Variants in PANX1 observed in about 807,000 individuals in gnomAD.
The protein encoded by PANX1 is pannexin-1.
In PANX1, 30 loss-of-function variants were observed where a neutral mutation model predicts 38.7. The observed-to-expected ratio is 0.78, with a 90% CI of 0.58 to 1.05. The LOEUF is 1.05. PANX1 is among the 50% of genes least tolerant of loss of function. The pLI is 0.00. For missense variants in PANX1, 551 were observed against 517.2 expected (o/e 1.07, Z -0.63); for synonymous variants, 230 against 212.2 (o/e 1.08, Z -0.73).
intron 3 of PANX1, among the ~76,000 whole-genome samples, 175 bp downstream of exon 3, chr11:94,178,767 A>G (rs532055293): frequency 2.0e-5 from 3 of 152,128 alleles, no homozygotes; most frequent in South Asian, 2.1e-4. Context: ...ACTCTCCCCA[A>G]ATCTCACCGC....
intron 2 of PANX1, among the ~76,000 whole-genome samples, chr11:94,162,609 C>G (rs2134506578): frequency 6.6e-6 from 1 of 152,270 alleles, no homozygotes. Context: ...TTCCAGGTGC[C>G]ATCTTTCACC....
intron 1 of PANX1, among the ~76,000 whole-genome samples, chr11:94,139,362 A>C (rs1216276571): frequency 6.6e-6 from 1 of 152,272 alleles, no homozygotes; most frequent in Non-Finnish European, 1.5e-5. Flanking sequence ...TCAGATATTT[A>C]AAAGGCTCTT....
chr11:94,131,250 C>T (rs1946626127), intron 1 of PANX1, among the ~76,000 whole-genome samples: 1 of 152,150 alleles, frequency 6.6e-6, no homozygotes, highest in Non-Finnish European at 1.5e-5. Flanking sequence ...CCACCTCTAG[C>T]ACATGTACTA....
At chr11:94,149,235 G>A (rs1448403511) in intron 1 of PANX1, among the ~76,000 whole-genome samples, 1 of 152,180 alleles carries the variant, frequency 6.6e-6, no homozygotes, top group Non-Finnish European at 1.5e-5. Context: ...TCCCACTGTG[G>A]TGTCTTTGAG....
chr11:94,152,537 C>T (rs1015504559), intron 1 of PANX1, among the ~76,000 whole-genome samples: 1 of 152,064 alleles, frequency 6.6e-6, no homozygotes, highest in Middle Eastern at 3.2e-3. Context: ...ATGCCTGTGA[C>T]ACACACACCT....
chr11:94,180,809 A>G lies in PANX1; in HGVS notation c.1221A>G (p.Glu407=). Residue 407 remains glutamate (E), a synonymous_variant, in exon 5 of 5, where the codon GAA becomes GAG. Transcript: ENST00000227638. The part of the protein sequence containing the change: ...AELQGMNIDS[E]TKANNGEKNA... Reference sequence around the variant, plus strand: ...TGACAGGTATGAACATAGACAGTGAAACTAAAGCAAATAATGGAGAGAAGA... The same window carrying G: ...TGACAGGTATGAACATAGACAGTGAGACTAAAGCAAATAATGGAGAGAAGA... 1 of 1,562,810 alleles carries G rather than the reference A, an allele frequency of 6.4e-7. No homozygotes were observed. The highest frequency in any genetic ancestry group is 8.8e-7 in the Non-Finnish European group (1 of 1,133,248).
At chr11:94,137,382 C>G (rs1946707804) in intron 1 of PANX1, among the ~76,000 whole-genome samples, 1 of 152,168 alleles carries the variant, frequency 6.6e-6, no homozygotes, top group Non-Finnish European at 1.5e-5. Context: ...TAGCAACATC[C>G]CTTTAAAAAA....
At chr11:94,165,635 G>A (rs886392522) in intron 2 of PANX1, among the ~76,000 whole-genome samples, 1 of 152,212 alleles carries the variant, frequency 6.6e-6, no homozygotes, top group African/African-American at 2.4e-5. Flanking sequence ...ATGTGGCCGG[G>A]CACAGTGGCT....
In PANX1 at chr11:94,162,871, C is replaced by CTTTTTTTTTTTT. The variant is rs59182320; in HGVS notation, c.321+9248_321+9259dup. ...GGCCATCTTGGCTCCACCAACCTCT[C>CTTTTTTTTTTTT]TTTTTTTTTTTTTTTTTTGAGACAG... On this transcript the variant is annotated intron_variant, in intron 2 of 4. Coordinates refer to ENST00000227638, the MANE Select transcript of PANX1 (RefSeq NM_015368.4). 7.4e-5 allele frequency among the ~76,000 whole-genome samples: 8 copies of CTTTTTTTTTTTT among 107,466 alleles called. 1 individual carries two copies. Among genetic ancestry groups the CTTTTTTTTTTTT allele is most frequent in the African/African-American group, 2.0e-4 (5 of 24,950 alleles). 70.5% of individuals were successfully genotyped at this position (107,466 alleles called of 152,430 possible).
chr11:94,153,238 A>G (rs374990767), intron 1 of PANX1, among the ~76,000 whole-genome samples: 181 of 152,012 alleles, frequency 1.2e-3, no homozygotes, highest in African/African-American at 3.8e-3. Context: ...TTTTCTTTGT[A>G]TGGTAGTTCT....
chr11:94,180,721 G>A, intron 4 of PANX1, 69 bp from the exon 5 acceptor site: 1 of 900,526 alleles, frequency 1.1e-6, no homozygotes, highest in East Asian at 2.4e-5. Context: ...TTTGGCAGAA[G>A]AAAAATTGAT....
chr11:94,175,249 T>G (rs1191211474), intron 2 of PANX1, among the ~76,000 whole-genome samples: 1 of 151,804 alleles, frequency 6.6e-6, no homozygotes, highest in Non-Finnish European at 1.5e-5. Flanking sequence ...GAAAGTTGCC[T>G]TTTTATTTTG....
intron 3 of PANX1, 21 bp from the exon 4 acceptor site, chr11:94,179,578 ATTT>A (rs1565387037): frequency 1.3e-6 from 2 of 1,586,442 alleles, no homozygotes; most frequent in South Asian, 2.2e-5. Flanking sequence ...TGCCTAAGTT[ATTT>A]TTGTTTCCTT....
At chr11:94,139,743 T>A (rs1434296997) in intron 1 of PANX1, among the ~76,000 whole-genome samples, 1 of 152,188 alleles carries the variant, frequency 6.6e-6, no homozygotes, top group East Asian at 1.9e-4. Context: ...TCCGAGGGCA[T>A]CCACGTTACA....
chr11:94,166,401 A>G (rs1319256014), intron 2 of PANX1, among the ~76,000 whole-genome samples: 1 of 152,092 alleles, frequency 6.6e-6, no homozygotes, highest in Non-Finnish European at 1.5e-5. Context: ...TTTCACCTTT[A>G]TGTTTGAAGG....
At chr11:94,161,683 G>A (rs905325355) in intron 2 of PANX1, among the ~76,000 whole-genome samples, 14 of 152,042 alleles carry the variant, frequency 9.2e-5, no homozygotes, top group African/African-American at 3.1e-4. Context: ...CCTTTAGCTC[G>A]GAGTAGTTTG....
At chr11:94,143,269 T>A (rs1946784454) in intron 1 of PANX1, among the ~76,000 whole-genome samples, 1 of 152,240 alleles carries the variant, frequency 6.6e-6, no homozygotes, top group Admixed American at 6.5e-5. Flanking sequence ...GTGGCCCCTT[T>A]AAATCTAAGA....
chr11:94,142,697 C>A (rs1591508087), intron 1 of PANX1, among the ~76,000 whole-genome samples: 2 of 152,222 alleles, frequency 1.3e-5, no homozygotes, highest in Admixed American at 6.5e-5. Flanking sequence ...AGGGCTGAGA[C>A]CAAGTCTTCT....
intron 2 of PANX1, among the ~76,000 whole-genome samples, chr11:94,173,484 A>C: frequency 6.7e-6 from 1 of 150,000 alleles, no homozygotes. Context: ...CTCCCACCTC[A>C]CTCCCGTCTG....
Sources: allele counts gnomAD v4.1 joint callset (sites outside exome capture counted in the v4.1 genomes callset), GRCh38; gene constraint gnomAD v4.1.1; transcripts MANE v1.5; gene names NCBI Gene and HGNC (gene_info 2026-07-23, HGNC 2026-07-21).